ARHGAP29: variants seen among roughly 807,000 people sequenced by gnomAD.
ARHGAP29 encodes Rho GTPase activating protein 29.
ARHGAP29 carries 43 observed loss-of-function variants against 122.6 expected under a neutral mutation model. The ratio of observed to expected loss-of-function variants is 0.35; its 90% CI spans 0.27 to 0.45. ARHGAP29 has a LOEUF of 0.45. Ranked by LOEUF, ARHGAP29 falls within the 20% of genes least tolerant of loss-of-function variation. ARHGAP29 has a pLI of 1.00. For synonymous variants in ARHGAP29, 506 were observed against 497.1 expected (o/e 1.02, Z -0.24); for missense variants, 1,303 against 1,477.2 (o/e 0.88, Z 1.93).
upstream of ARHGAP29, among the ~76,000 whole-genome samples, chr1:94,239,687 C>T (rs899300054): frequency 3.1e-4 from 1 of 3,212 alleles, no homozygotes; most frequent in Non-Finnish European, 1.8e-3. Flanking sequence ...GTGATAGAGA[C>T]TACCCACCGA....
At position 94,203,174 on chromosome 1, in the gene ARHGAP29, G is replaced by C. The variant is rs201765549; in HGVS notation, c.799C>G (p.Leu267Val). 6.2e-7 allele frequency: 1 copy of C among 1,612,722 alleles called. No individual in the cohort carries two copies. Among genetic ancestry groups the C allele is most frequent in the African/African-American group, 1.3e-5 (1 of 74,960 alleles). ...MPLQSLFTNA[L>V]LNDIESSHLL... ...TGACTGCTTTCTATATCATTAAGAA[G>C]AGCATTAGTAAACAGAGACTGCAGT... is the stretch of plus-strand genomic sequence containing the variant. The change falls in exon 9 of 23, where the codon CTT becomes GTT. Residue 267 changes from leucine to valine, a missense_variant. Leu to Val is a conservative substitution (Grantham distance 32). Coordinates refer to ENST00000260526, the MANE Select transcript of ARHGAP29 (RefSeq NM_004815.4).
At chr1:94,255,426 A>G (rs987722105) in intron 1 of ARHGAP29, among the ~76,000 whole-genome samples, 8 of 152,154 alleles carry the variant, frequency 5.3e-5, no homozygotes, top group Admixed American at 2.0e-4. Context: ...TGGCAGTCCT[A>G]GCAGAGTAAC....
chr1:94,276,979 C>T (rs920354882), upstream of ARHGAP29, among the ~76,000 whole-genome samples: 7 of 151,988 alleles, frequency 4.6e-5, no homozygotes, highest in African/African-American at 1.2e-4. Flanking sequence ...TAAGCGTCTT[C>T]GTGCTATCCA....
chr1:94,277,081 C>G (rs189024327), upstream of ARHGAP29, among the ~76,000 whole-genome samples: 1 of 152,262 alleles, frequency 6.6e-6, no homozygotes, highest in Non-Finnish European at 1.5e-5. Flanking sequence ...TGCTTCTAAC[C>G]AGTTTCGACA....
intron 2 of ARHGAP29, among the ~76,000 whole-genome samples, chr1:94,227,136 A>C (rs1188416254): frequency 6.6e-6 from 1 of 151,834 alleles, no homozygotes; most frequent in Non-Finnish European, 1.5e-5. Flanking sequence ...TCATTTAATG[A>C]AAAGTTCAAT....
At chr1:94,222,015 C>A (rs1440705657) in intron 2 of ARHGAP29, among the ~76,000 whole-genome samples, 4 of 151,768 alleles carry the variant, frequency 2.6e-5, no homozygotes, top group Non-Finnish European at 4.4e-5. Flanking sequence ...AAAAACACCC[C>A]CCAGTGAGGA....
chr1:94,179,875 T>C lies in ARHGAP29; in HGVS notation c.2330A>G (p.Gln777Arg), dbSNP rs946146631. Residue 777 changes from glutamine to arginine, a missense_variant, in exon 20 of 23, where the codon CAA becomes CGA. Gln to Arg is a conservative substitution (Grantham distance 43). This residue lies in a region of ARHGAP29 where 620 missense variants were observed against 651.2 expected (regional missense o/e 0.95). Transcript: ENST00000260526. ...AKEIQHVNEE[Q>R]ETKKNSLEDK... The stretch of plus-strand genomic sequence containing the variant: ...TTCAAGACTATTCTTTTTTGTCTCT[T>C]GTTCTTCATTTACATGTTGGATCTC... 1 of 1,613,292 alleles carries C rather than the reference T, an allele frequency of 6.2e-7. No individual in the cohort carries two copies.
chr1:94,180,802 T>C (rs1649407937), intron 19 of ARHGAP29, among the ~76,000 whole-genome samples: 1 of 152,150 alleles, frequency 6.6e-6, no homozygotes, highest in Non-Finnish European at 1.5e-5. Flanking sequence ...GTTTCCCACA[T>C]GAAAGTCTCG....
At chr1:94,242,109 AAC>A (rs1403764380), upstream of ARHGAP29, among the ~76,000 whole-genome samples, 11 of 152,154 alleles carry the variant, frequency 7.2e-5, no homozygotes, top group Non-Finnish European at 1.6e-4. Flanking sequence ...TATCTTGCTG[AAC>A]ACCAAGATGC....
chr1:94,268,429 C>T (rs1654859329), intron 1 of ARHGAP29, among the ~76,000 whole-genome samples: 2 of 152,154 alleles, frequency 1.3e-5, no homozygotes, highest in Admixed American at 6.6e-5. Flanking sequence ...ACATTGGCAT[C>T]CCTGAACCCA....
chr1:94,256,195 C>T lies in ARHGAP29; in HGVS notation c.-33+18817G>A, dbSNP rs376917407. ...AGCAGGACTCTCTCCGACATACCCA[C>T]CAGCTCTAGGTAGTTAGTTCTATTC... On this transcript the variant is annotated intron_variant and NMD_transcript_variant, in intron 1 of 25. Transcript: ENST00000552844. 3.0e-4 allele frequency among the ~76,000 whole-genome samples: 46 copies of T among 152,290 alleles called. 1 individual carries two copies. The South Asian group carries it at 8.9e-3, about 30-fold the overall frequency.
the ARHGAP29 span, among the ~76,000 whole-genome samples, chr1:94,301,357 C>A: frequency 2.0e-5 from 3 of 152,168 alleles, no homozygotes; most frequent in Non-Finnish European, 4.4e-5. Flanking sequence ...ATAGGGACAA[C>A]TGGCTTCAGA....
In ARHGAP29 at chr1:94,203,045, T is replaced by C. The variant is rs1248031797; in HGVS notation, c.874-47A>G. 3.8e-6 allele frequency: 6 copies of C among 1,597,518 alleles called. No homozygotes were observed. The Admixed American group carries it at 5.3e-5, about 14-fold the overall frequency. On this transcript the variant is annotated intron_variant, in intron 9 of 22. Coordinates refer to ENST00000260526, the MANE Select transcript of ARHGAP29 (RefSeq NM_004815.4). ...GAAAAAGAGAAAAGCAATTTTCTAA[T>C]GGCATGCCATTGCTTAAAAATAAAA... is the stretch of plus-strand genomic sequence containing the variant.
intron 8 of ARHGAP29, among the ~76,000 whole-genome samples, chr1:94,203,718 G>C (rs1050258565): frequency 6.6e-6 from 1 of 152,074 alleles, no homozygotes; most frequent in Non-Finnish European, 1.5e-5. Context: ...CTGGGTTACA[G>C]AGTGAGACCC....
At chr1:94,226,078 CATG>C (rs1295792769) in intron 2 of ARHGAP29, among the ~76,000 whole-genome samples, 1 of 151,634 alleles carries the variant, frequency 6.6e-6, no homozygotes, top group Admixed American at 6.6e-5. Flanking sequence ...ATGAAAAAAA[CATG>C]ATGTTTTCTT....
Position 94,174,067 on chromosome 1 carries a change from G to A in ARHGAP29, c.3588C>T (p.His1196=), listed in dbSNP as rs752980230. The change falls in exon 23 of 23, where the codon CAC becomes CAT. Residue 1196 remains histidine, a synonymous_variant. Transcript: ENST00000260526. ...PSAAVPPGTD[H]DPHGLVVKSM... ...ACTTCACCACGAGACCGTGGGGATC[G>A]TGATCTGTGCCAGGAGGCACTGCTG... 1.6e-5 allele frequency: 26 copies of A among 1,614,216 alleles called. No individual in the cohort carries two copies. The highest frequency in any genetic ancestry group is 5.0e-5 in the Admixed American group (3 of 60,030).
chr1:94,256,696 C>A (rs1018404920), intron 1 of ARHGAP29, among the ~76,000 whole-genome samples: 27 of 150,784 alleles, frequency 1.8e-4, no homozygotes, highest in Middle Eastern at 3.4e-3. Context: ...GTAGCTGGGA[C>A]TACAGGCGCC....
intron 3 of ARHGAP29, 38 bp from the exon 4 acceptor site, chr1:94,209,388 C>T (rs751312817): frequency 3.1e-6 from 4 of 1,276,450 alleles, no homozygotes; most frequent in Admixed American, 2.1e-5. Context: ...GAAAAACATA[C>T]TTTAAACTAG....
chr1:94,225,500 C>T (rs997045627), intron 2 of ARHGAP29, among the ~76,000 whole-genome samples: 13 of 152,030 alleles, frequency 8.6e-5, no homozygotes, highest in African/African-American at 3.1e-4. Context: ...ATTTGCCTCA[C>T]AATCATGTTC....
Sources: allele counts gnomAD v4.1 joint callset (sites outside exome capture counted in the v4.1 genomes callset), GRCh38; gene constraint gnomAD v4.1.1; regional missense constraint gnomAD v4.1.1; transcripts MANE v1.5; gene names NCBI Gene and HGNC (gene_info 2026-07-23, HGNC 2026-07-21).